Variants in IQSEC1 observed in about 807,000 individuals in gnomAD.
IQSEC1 encodes IQ motif and SEC7 domain-containing protein 1.
Under a neutral mutation model 91.0 loss-of-function variants are expected in IQSEC1, and 31 were observed. The observed-to-expected ratio is 0.34, with a 90% CI of 0.26 to 0.46. The LOEUF (loss-of-function observed/expected upper bound fraction) is 0.46, where lower values mean the gene tolerates loss of function less well. Ranked by LOEUF, IQSEC1 falls within the 20% of genes least tolerant of loss-of-function variation. The pLI, the probability that IQSEC1 is intolerant of heterozygous loss-of-function variation, is 1.00. For synonymous variants in IQSEC1, 699 were observed against 662.6 expected (o/e 1.05, Z -0.84); for missense variants, 1,388 against 1,575.6 (o/e 0.88, Z 2.02).
At position 12,905,899 on chromosome 3, in the gene IQSEC1, C is replaced by T. The variant is rs937122768; in HGVS notation, c.2755+2450G>A. ...CTGTTTCCACAGTCCTTGCTGGGTC[C>T]TTGGTCTTGGGTCAGCAGGACTCTT... On this transcript the variant is annotated intron_variant, in intron 12 of 13. Coordinates refer to ENST00000613206, the MANE Select transcript of IQSEC1 (RefSeq NM_001134382.3). 4.6e-5 allele frequency among the ~76,000 whole-genome samples: 7 copies of T among 152,350 alleles called. No homozygotes were observed. In the East Asian group the frequency reaches 9.6e-4, roughly 21 times the overall value.
chr3:13,198,053 G>A (rs1196366385), intron 1 of IQSEC1, among the ~76,000 whole-genome samples: 1 of 152,188 alleles, frequency 6.6e-6, no homozygotes, highest in Non-Finnish European at 1.5e-5. Context: ...GGCACGCAGG[G>A]TCTGAAAGGA....
intron 1 of IQSEC1, among the ~76,000 whole-genome samples, chr3:13,071,837 C>T (rs537293937): frequency 0.013 from 1,892 of 150,410 alleles, 17 homozygotes; most frequent in Non-Finnish European, 0.021. Context: ...CCACTGCCAT[C>T]CCCCAAACCA....
intron 1 of IQSEC1, among the ~76,000 whole-genome samples, chr3:13,249,856 T>G (rs1386799735): frequency 1.3e-5 from 2 of 152,206 alleles, no homozygotes; most frequent in African/African-American, 2.4e-5. Flanking sequence ...TTCCAGGCAC[T>G]CAGCCATGTG....
intron 1 of IQSEC1, among the ~76,000 whole-genome samples, chr3:12,964,296 C>T (rs1192759985): frequency 1.6e-5 from 1 of 63,026 alleles, no homozygotes; most frequent in Non-Finnish European, 3.6e-5. Context: ...AGCATACTCC[C>T]CCTACACACA....
chr3:13,246,284 C>A (rs1291096701), intron 1 of IQSEC1, among the ~76,000 whole-genome samples: 1 of 152,174 alleles, frequency 6.6e-6, no homozygotes, highest in Non-Finnish European at 1.5e-5. Flanking sequence ...CAGGACTCCA[C>A]TGATCTGATG....
chr3:13,090,733 C>T (rs752124912), intron 2 of IQSEC1, among the ~76,000 whole-genome samples: 10 of 152,180 alleles, frequency 6.6e-5, no homozygotes, highest in Non-Finnish European at 1.3e-4. Context: ...CTGCCATGTG[C>T]CAGGTGCTCT....
chr3:13,255,478 C>G (rs970229809), intron 1 of IQSEC1, among the ~76,000 whole-genome samples: 3 of 152,206 alleles, frequency 2.0e-5, no homozygotes, highest in African/African-American at 4.8e-5. Flanking sequence ...CAGTCTCAGT[C>G]TGTGGTTAAC....
intron 1 of IQSEC1, among the ~76,000 whole-genome samples, chr3:13,226,080 T>C (rs9799057): frequency 0.24 from 37,146 of 152,076 alleles, 4,874 homozygotes; most frequent in Non-Finnish European, 0.3. Context: ...GGTTTCACCA[T>C]GTTGGCCAAG....
Position 13,102,658 on chromosome 3 carries a change from G to A in IQSEC1, c.303-55136C>T, listed in dbSNP as rs113747669. On this transcript the variant is annotated intron_variant, in intron 2 of 15. Coordinates refer to the IQSEC1 transcript ENST00000648114. ...TTGGTAACCACGGAGCTCCCCTCAC[G>A]TCACATGCTCCCACTGTCAACTGCA... Among the ~76,000 whole-genome samples the A allele has an allele frequency of 6.0e-3, 918 of 152,240 alleles. 12 individuals are homozygous for A. Among genetic ancestry groups the A allele is most frequent in the African/African-American group, 0.021 (871 of 41,544 alleles).
intron 1 of IQSEC1, among the ~76,000 whole-genome samples, chr3:13,013,152 G>A (rs1702966944): frequency 6.6e-6 from 1 of 151,934 alleles, no homozygotes; most frequent in South Asian, 2.1e-4. Flanking sequence ...GTAGAGATGG[G>A]GTTTCACCAT....
intron 1 of IQSEC1, among the ~76,000 whole-genome samples, chr3:13,070,981 C>A (rs1360628816): frequency 1.3e-5 from 2 of 152,108 alleles, no homozygotes; most frequent in Non-Finnish European, 2.9e-5. Flanking sequence ...TGCAAAACTG[C>A]AATTGGATAG....
intron 2 of IQSEC1, among the ~76,000 whole-genome samples, chr3:13,085,818 C>A (rs62232937): frequency 6.6e-6 from 1 of 152,270 alleles, no homozygotes; most frequent in South Asian, 2.1e-4. Context: ...TCGGCCAATG[C>A]GAGGCTCTCG....
chr3:12,965,395 C>A (rs1378711348), intron 1 of IQSEC1, among the ~76,000 whole-genome samples: 1 of 152,178 alleles, frequency 6.6e-6, no homozygotes, highest in African/African-American at 2.4e-5. Flanking sequence ...CCCCTGGGAG[C>A]CAGCCCAAGG....
intron 1 of IQSEC1, among the ~76,000 whole-genome samples, chr3:13,048,181 G>A (rs950105487): frequency 3.9e-5 from 6 of 152,228 alleles, no homozygotes; most frequent in Non-Finnish European, 8.8e-5. Context: ...GTTTCCTCAT[G>A]TGTAAAATGG....
chr3:12,995,356 A>G (rs1263320514), intron 1 of IQSEC1, among the ~76,000 whole-genome samples: 2 of 152,250 alleles, frequency 1.3e-5, no homozygotes. Context: ...CTGACATCTC[A>G]TGACCCTGGA....
chr3:12,958,140 C>G (rs1700030061), intron 1 of IQSEC1, among the ~76,000 whole-genome samples: 1 of 152,206 alleles, frequency 6.6e-6, no homozygotes, highest in Non-Finnish European at 1.5e-5. Context: ...ATCGAGCTCC[C>G]CCTGCCCTTG....
chr3:13,082,212 T>C (rs1705656853), intron 2 of IQSEC1, among the ~76,000 whole-genome samples: 1 of 152,196 alleles, frequency 6.6e-6, no homozygotes, highest in Admixed American at 6.5e-5. Flanking sequence ...AACGTGTCGG[T>C]CGGTTGTGAC....
At chr3:13,065,054 TG>T (rs1227825954) in intron 1 of IQSEC1, among the ~76,000 whole-genome samples, 1 of 152,232 alleles carries the variant, frequency 6.6e-6, no homozygotes, top group African/African-American at 2.4e-5. Flanking sequence ...TTCTCCTGCC[TG>T]GGGAAGACAC....
At chr3:13,099,720 G>A (rs903903266) in intron 2 of IQSEC1, among the ~76,000 whole-genome samples, 3 of 152,154 alleles carry the variant, frequency 2.0e-5, no homozygotes, top group African/African-American at 7.2e-5. Flanking sequence ...CGCCAACCCG[G>A]GACAACTTCA....
Sources: allele counts gnomAD v4.1 joint callset (sites outside exome capture counted in the v4.1 genomes callset), GRCh38; gene constraint gnomAD v4.1.1; transcripts MANE v1.5; gene names NCBI Gene and HGNC (gene_info 2026-07-23, HGNC 2026-07-21).